The following ADCY2 variants were observed in gnomAD, a reference collection of about 807,000 sequenced individuals.
The protein encoded by ADCY2 is adenylate cyclase type 2.
A neutral mutation model predicts 125.2 loss-of-function variants in ADCY2; 31 were observed. That is an observed-to-expected ratio of 0.25 (90% confidence interval 0.19 to 0.33). The LOEUF is 0.33. Among genes scored for constraint, ADCY2 ranks in the 10% least tolerant of loss-of-function variants. The pLI is 1.00. For missense variants in ADCY2, 904 were observed against 1,418.2 expected (o/e 0.64, Z 5.82); for synonymous variants, 512 against 548.4 (o/e 0.93, Z 0.93).
chr5:7,501,920 T>C (rs955321693), intron 2 of ADCY2, among the ~76,000 whole-genome samples: 4 of 151,884 alleles, frequency 2.6e-5, no homozygotes, highest in African/African-American at 9.7e-5. Flanking sequence ...CACTAAATGG[T>C]TCCTTCATCC....
chr5:7,516,277 G>GA (rs569317712), intron 2 of ADCY2, among the ~76,000 whole-genome samples: 84 of 152,244 alleles, frequency 5.5e-4, no homozygotes, highest in Middle Eastern at 6.8e-3. Context: ...ATAGTTGATT[G>GA]AAAAAATGCA....
chr5:7,797,429 C>T (rs326135), intron 20 of ADCY2: 150,842 of 152,328 alleles, frequency 0.99, 74,699 homozygotes, highest in East Asian at 1. Flanking sequence ...GCCCCAGACG[C>T]CTCCACACCT....
intron 3 of ADCY2, among the ~76,000 whole-genome samples, chr5:7,562,629 A>G (rs1167104843): frequency 6.6e-6 from 1 of 152,110 alleles, no homozygotes; most frequent in African/African-American, 2.4e-5. Context: ...ACACGTGTAC[A>G]CAGACAGACA....
At chr5:7,769,688 C>T (rs1408609505) in intron 17 of ADCY2, among the ~76,000 whole-genome samples, 1 of 152,160 alleles carries the variant, frequency 6.6e-6, no homozygotes, top group East Asian at 1.9e-4. Context: ...ACAGCAGGCA[C>T]TTGGTATGCA....
At chr5:7,658,874 CT>C (rs958007194) in intron 4 of ADCY2, among the ~76,000 whole-genome samples, 1 of 151,940 alleles carries the variant, frequency 6.6e-6, no homozygotes, top group Non-Finnish European at 1.5e-5. Flanking sequence ...GGAAATAACT[CT>C]TTTTTTTCGA....
At chr5:7,748,889 G>C (rs1041886634) in intron 15 of ADCY2, among the ~76,000 whole-genome samples, 1 of 152,192 alleles carries the variant, frequency 6.6e-6, no homozygotes, top group East Asian at 1.9e-4. Context: ...GGGGCTCACA[G>C]ATGCTACATA....
intron 3 of ADCY2, among the ~76,000 whole-genome samples, chr5:7,539,775 C>T (rs1734935951): frequency 6.6e-6 from 1 of 152,206 alleles, no homozygotes; most frequent in Non-Finnish European, 1.5e-5. Flanking sequence ...GACAGCACGT[C>T]AGCAAATGGT....
chr5:7,760,452 A>G (rs1743158635), intron 16 of ADCY2, among the ~76,000 whole-genome samples: 2 of 152,184 alleles, frequency 1.3e-5, no homozygotes, highest in African/African-American at 4.8e-5. Context: ...GGTGACTGAC[A>G]CATGCCCGTA....
chr5:7,590,539 G>GA (rs1736821630), intron 3 of ADCY2, among the ~76,000 whole-genome samples: 1 of 151,268 alleles, frequency 6.6e-6, no homozygotes, highest in Non-Finnish European at 1.5e-5. Context: ...GGATTTAGGG[G>GA]AAAAAATAAG....
chr5:7,759,232 C>T (rs1483331969), intron 16 of ADCY2, among the ~76,000 whole-genome samples: 1 of 152,166 alleles, frequency 6.6e-6, no homozygotes, highest in Non-Finnish European at 1.5e-5. Flanking sequence ...CCTCACCTGC[C>T]TGTGTGTCCC....
At chr5:7,794,940 C>T (rs1247126849) in intron 20 of ADCY2, 1 of 152,046 alleles carries the variant, frequency 6.6e-6, no homozygotes, top group African/African-American at 2.4e-5. Flanking sequence ...AGCTCTTTTC[C>T]TCCCTAAGGT....
At chr5:7,600,722 G>A (rs1737171838) in intron 3 of ADCY2, among the ~76,000 whole-genome samples, 1 of 152,214 alleles carries the variant, frequency 6.6e-6, no homozygotes, top group African/African-American at 2.4e-5. Context: ...GCTGGGCACA[G>A]TGCAGGTGGT....
intron 3 of ADCY2, among the ~76,000 whole-genome samples, chr5:7,563,630 C>T (rs1012306579): frequency 5.3e-5 from 8 of 152,180 alleles, no homozygotes; most frequent in African/African-American, 1.9e-4. Context: ...TAGCATATCC[C>T]TGTGAGGGTG....
At chr5:7,549,893 C>G (rs10053997) in intron 3 of ADCY2, among the ~76,000 whole-genome samples, 49,710 of 151,950 alleles carry the variant, frequency 0.33, 8,921 homozygotes, top group Non-Finnish European at 0.4. Context: ...GTCAGCTCCT[C>G]CTTCAGATAA....
At chr5:7,764,497 T>A (rs1022966039) in intron 16 of ADCY2, among the ~76,000 whole-genome samples, 1 of 152,148 alleles carries the variant, frequency 6.6e-6, no homozygotes, top group African/African-American at 2.4e-5. Context: ...ACAAACACAA[T>A]GATGTCATCA....
chr5:7,443,031 G>T (rs1379369298), intron 2 of ADCY2, among the ~76,000 whole-genome samples: 4 of 152,026 alleles, frequency 2.6e-5, no homozygotes, highest in African/African-American at 9.7e-5. Flanking sequence ...TGCATCCTTG[G>T]ACACAGCCTG....
chr5:7,731,800 A>G (rs1309632811), intron 14 of ADCY2, among the ~76,000 whole-genome samples: 1 of 150,492 alleles, frequency 6.6e-6, no homozygotes, highest in Admixed American at 6.6e-5. Flanking sequence ...ATGGAGTTTC[A>G]CCATGTTGGC....
chr5:7,535,437 A>T (rs1191259804), intron 3 of ADCY2, among the ~76,000 whole-genome samples: 5 of 152,238 alleles, frequency 3.3e-5, no homozygotes, highest in African/African-American at 9.6e-5. Context: ...GACAAATAAA[A>T]AGCCTCTAGG....
chr5:7,527,347 G>A (rs1734509233), intron 3 of ADCY2, among the ~76,000 whole-genome samples: 1 of 152,182 alleles, frequency 6.6e-6, no homozygotes. Context: ...TACTTTTGTA[G>A]GTTAGTATCA....
Sources: allele counts gnomAD v4.1 joint callset (sites outside exome capture counted in the v4.1 genomes callset), GRCh38; gene constraint gnomAD v4.1.1; transcripts MANE v1.5; gene names NCBI Gene and HGNC (gene_info 2026-07-23, HGNC 2026-07-21).